Variants in FBXO34 observed in about 807,000 individuals in gnomAD.
FBXO34 encodes the protein F-box only protein 34.
In FBXO34, 12 loss-of-function variants were observed where a neutral mutation model predicts 24.5. The observed-to-expected ratio is 0.49, with a 90% confidence interval of 0.31 to 0.79. The LOEUF (loss-of-function observed/expected upper bound fraction) is 0.79. Ranked by LOEUF, FBXO34 falls within the 30% of genes least tolerant of loss-of-function variation. The pLI is 0.04. For synonymous variants in FBXO34, 320 were observed against 311.9 expected (o/e 1.03, Z -0.27); for missense variants, 823 against 857.7 (o/e 0.96, Z 0.51).
At chr14:55,415,856 ACT>A in the FBXO34 span, among the ~76,000 whole-genome samples, 1 of 152,262 alleles carries the variant, frequency 6.6e-6, no homozygotes, top group African/African-American at 2.4e-5. Context: ...ACACAGCGAG[ACT>A]CTGTCTCAAA....
At chr14:55,338,272 A>G (rs1883861735) in intron 1 of FBXO34, among the ~76,000 whole-genome samples, 2 of 151,502 alleles carry the variant, frequency 1.3e-5, no homozygotes, top group South Asian at 2.1e-4. Flanking sequence ...GATGGTCTCG[A>G]TCTCCTGACC....
the FBXO34 span, among the ~76,000 whole-genome samples, chr14:55,439,452 G>A: frequency 2.6e-5 from 4 of 151,900 alleles, no homozygotes; most frequent in Non-Finnish European, 5.9e-5. Context: ...GGAACCTGAA[G>A]TCACTACAGC....
At chr14:55,338,351 T>C (rs1594759882) in intron 1 of FBXO34, among the ~76,000 whole-genome samples, 1 of 151,698 alleles carries the variant, frequency 6.6e-6, no homozygotes, top group Non-Finnish European at 1.5e-5. Context: ...GGCCAGCGAG[T>C]ATGGACTTCT....
the FBXO34 span, among the ~76,000 whole-genome samples, chr14:55,422,547 T>C: frequency 6.6e-6 from 1 of 152,032 alleles, no homozygotes; most frequent in African/African-American, 2.4e-5. Flanking sequence ...CCGCGCCCGG[T>C]CATAAAATAG....
chr14:55,409,710 T>C, the FBXO34 span, among the ~76,000 whole-genome samples: 1 of 152,004 alleles, frequency 6.6e-6, no homozygotes, highest in Non-Finnish European at 1.5e-5. Context: ...GCAGATTAGG[T>C]AAGGGAGAAA....
intron 3 of FBXO34, among the ~76,000 whole-genome samples, chr14:55,361,192 C>G (rs1436118390): frequency 6.6e-6 from 1 of 152,090 alleles, no homozygotes; most frequent in African/African-American, 2.4e-5. Context: ...CAAAATTACT[C>G]CTTGAGCTAT....
the FBXO34 span, chr14:55,435,796 A>T: frequency 7.8e-7 from 1 of 1,280,268 alleles, no homozygotes; most frequent in African/African-American, 1.6e-5. Flanking sequence ...TATTAAGAAA[A>T]GTAAATCTAA....
the FBXO34 span, among the ~76,000 whole-genome samples, chr14:55,415,844 C>T: frequency 3.3e-5 from 5 of 151,850 alleles, no homozygotes; most frequent in Non-Finnish European, 7.4e-5. Flanking sequence ...CCAGCCTGGG[C>T]GACACAGCGA....
At chr14:55,330,218 C>G (rs530408049) in intron 1 of FBXO34, among the ~76,000 whole-genome samples, 4 of 152,268 alleles carry the variant, frequency 2.6e-5, no homozygotes, top group African/African-American at 4.8e-5. Flanking sequence ...CACATACTTT[C>G]CCTTTTAAGT....
chr14:55,276,770 C>T (rs989303428), intron 1 of FBXO34, among the ~76,000 whole-genome samples: 13 of 152,170 alleles, frequency 8.5e-5, no homozygotes, highest in African/African-American at 2.9e-4. Context: ...AGATTCGGGG[C>T]TTTGGGCATT....
the FBXO34 span, chr14:55,424,219 T>A: frequency 5.7e-4 from 922 of 1,613,432 alleles, 5 homozygotes; most frequent in Non-Finnish European, 7.2e-5. Flanking sequence ...TTTACCATTC[T>A]ATAAATAAGA....
At chr14:55,289,757 A>T (rs1213112716) in intron 1 of FBXO34, among the ~76,000 whole-genome samples, 6 of 152,040 alleles carry the variant, frequency 3.9e-5, no homozygotes, top group Non-Finnish European at 7.4e-5. Context: ...TTTGTTGCCC[A>T]GGTTAGTCTC....
chr14:55,285,370 C>T (rs1397858600), intron 1 of FBXO34: 6 of 147,328 alleles, frequency 4.1e-5, no homozygotes, highest in Admixed American at 2.0e-4. Context: ...AACTCTGTCT[C>T]AGAAAAAAAA....
the FBXO34 span, chr14:55,386,224 A>C: frequency 1.3e-6 from 1 of 743,604 alleles, no homozygotes; most frequent in Non-Finnish European, 2.2e-6. Context: ...GAATAATATA[A>C]TGTTCACTAA....
chr14:55,395,745 A>G, the FBXO34 span, among the ~76,000 whole-genome samples: 1 of 152,224 alleles, frequency 6.6e-6, no homozygotes, highest in Non-Finnish European at 1.5e-5. Flanking sequence ...ATCCTTTACA[A>G]TGGCTCCATA....
chr14:55,438,546 A>G, the FBXO34 span, among the ~76,000 whole-genome samples: 1 of 152,286 alleles, frequency 6.6e-6, no homozygotes. Context: ...AAGCTGCAAC[A>G]GTCAGTGTCT....
chr14:55,421,522 G>A, the FBXO34 span, among the ~76,000 whole-genome samples: 1 of 152,184 alleles, frequency 6.6e-6, no homozygotes, highest in African/African-American at 2.4e-5. Context: ...GGAGTGCAGT[G>A]GCGCGAACTT....
At chr14:55,379,524 G>A in the FBXO34 span, among the ~76,000 whole-genome samples, 3 of 152,108 alleles carry the variant, frequency 2.0e-5, no homozygotes, top group Non-Finnish European at 2.9e-5. Flanking sequence ...CAGCCTGGAC[G>A]ACAGAGTGAG....
chr14:55,323,184 C>CAAA (rs368380622), intron 1 of FBXO34, among the ~76,000 whole-genome samples: 156 of 12,084 alleles, frequency 0.013, 2 homozygotes, highest in Non-Finnish European at 0.016. Flanking sequence ...GACTCTGTCT[C>CAAA]AAAAAAAAAA....
Sources: allele counts gnomAD v4.1 joint callset (sites outside exome capture counted in the v4.1 genomes callset), GRCh38; gene constraint gnomAD v4.1.1; transcripts MANE v1.5; gene names NCBI Gene and HGNC (gene_info 2026-07-23, HGNC 2026-07-21).